WDR20: variants seen among roughly 807,000 people sequenced by gnomAD.
The protein encoded by WDR20 is WD repeat-containing protein 20.
A neutral mutation model predicts 38.7 loss-of-function variants in WDR20; 3 were observed. The observed-to-expected ratio is 0.08, with a 90% CI of 0.04 to 0.20. The LOEUF is 0.20. Ranked by LOEUF, WDR20 falls within the 10% of genes least tolerant of loss-of-function variation. The pLI is 1.00. For missense variants in WDR20, 559 were observed against 727.7 expected, an observed-to-expected ratio of 0.77 and a Z score of 2.67; for synonymous variants, 298 against 285.6, an observed-to-expected ratio of 1.04 and a Z score of -0.44.
chr14:102,154,732 A>G (rs1241469080), intron 1 of WDR20, among the ~76,000 whole-genome samples: 1 of 152,182 alleles, frequency 6.6e-6, no homozygotes, highest in East Asian at 1.9e-4. Context: ...TTATTGAATG[A>G]ATAAATGAGT....
At chr14:102,179,297 C>T (rs2062855442) in intron 1 of WDR20, among the ~76,000 whole-genome samples, 1 of 151,876 alleles carries the variant, frequency 6.6e-6, no homozygotes. Flanking sequence ...ATATTCTAAC[C>T]TCTGTATTTT....
downstream of WDR20, chr14:102,214,285 T>G (rs548080103): frequency 1.0e-6 from 1 of 985,482 alleles, no homozygotes; most frequent in East Asian, 1.1e-4. Context: ...ACGGGCTGAT[T>G]GGGACTGTCG....
chr14:102,210,347 A>G lies in WDR20; in HGVS notation c.*467A>G. On this transcript the variant is annotated 3_prime_UTR_variant, in exon 3 of 3. Coordinates refer to ENST00000342702, the MANE Select transcript of WDR20 (RefSeq NM_144574.4). Reference sequence around the variant, plus strand: ...TATAGTCCAATTTTTTATCTTAATCATAAAATGTTTAGGAATCTATGAAAT... The same window carrying G: ...TATAGTCCAATTTTTTATCTTAATCGTAAAATGTTTAGGAATCTATGAAAT... The G allele has an allele frequency of 1.0e-6, 1 of 986,140 alleles. No individual in the cohort carries two copies. The highest frequency in any genetic ancestry group is 1.2e-6 in the Non-Finnish European group (1 of 830,212). The allele number at this position is 986,140 out of a possible 1,614,324, so 61.1% of individuals were successfully genotyped here.
intron 2 of WDR20, chr14:102,195,792 T>G (rs891036556): frequency 2.6e-5 from 4 of 152,234 alleles, no homozygotes; most frequent in African/African-American, 7.2e-5. Flanking sequence ...CCAAGTAGAT[T>G]ATATTTTTTA....
chr14:102,213,405 A>G, downstream of WDR20: 1 of 985,450 alleles, frequency 1.0e-6, no homozygotes, highest in African/African-American at 1.7e-5. Flanking sequence ...TTTTGTGCTG[A>G]TTGAACCTTC....
At chr14:102,182,537 C>CATTT (rs2063597203) in intron 1 of WDR20, among the ~76,000 whole-genome samples, 1 of 152,138 alleles carries the variant, frequency 6.6e-6, no homozygotes, top group African/African-American at 2.4e-5. Context: ...CCCATTCATG[C>CATTT]ATTTGCTCAG....
intron 1 of WDR20, among the ~76,000 whole-genome samples, chr14:102,160,580 T>G (rs1410960614): frequency 3.3e-5 from 5 of 152,076 alleles, no homozygotes; most frequent in Non-Finnish European, 7.4e-5. Context: ...TGCTTTGTAC[T>G]CCATGCTGTG....
intron 1 of WDR20, among the ~76,000 whole-genome samples, chr14:102,193,260 G>A (rs1278261531): frequency 2.6e-5 from 4 of 151,774 alleles, no homozygotes; most frequent in Non-Finnish European, 5.9e-5. Flanking sequence ...CAGCCTGTCC[G>A]TGGCCATCGT....
In WDR20 at chr14:102,222,809, T is replaced by C; in HGVS notation, c.1693-21T>C. 1 of 1,614,164 alleles carries C rather than the reference T, an allele frequency of 6.2e-7. No individual in the cohort carries two copies. On this transcript the variant is annotated intron_variant, in intron 3 of 3. Transcript: ENST00000335263. This position sits in a 1 kb window ranked among gnomAD's most constrained non-coding sequence, Gnocchi z 4.4. ...CCCGTCCGGTGTTTTGCTGGATTAA[T>C]GTAGACTGCTTTGTTTGCAGGGCTC...
At chr14:102,224,037 A>T (rs374579661), downstream of WDR20, among the ~76,000 whole-genome samples, 7,109 of 123,124 alleles carry the variant, frequency 0.058, 250 homozygotes, top group African/African-American at 0.12. Context: ...TTTACCTGAG[A>T]TTTTTTTTTT....
At chr14:102,170,237 TTC>T (rs1358786083) in intron 1 of WDR20, among the ~76,000 whole-genome samples, 3 of 152,248 alleles carry the variant, frequency 2.0e-5, no homozygotes, top group African/African-American at 7.2e-5. Flanking sequence ...ATCATAATTC[TTC>T]TTTTGATGGA....
rs2063778399 is a variant in WDR20 at position 102,220,677 on chromosome 14, G to T, written c.1693-2153G>T. The stretch of plus-strand genomic sequence containing the variant: ...GGAGCTTGCAGTGAGCCAAGATCGT[G>T]CCACTGCACTCCAGCCTGGACAACA... On this transcript the variant is annotated intron_variant, in intron 3 of 3. Transcript: ENST00000335263. The surrounding 1 kb of genome is among the most constrained non-coding windows in gnomAD (Gnocchi z 4.2). Among the ~76,000 whole-genome samples, 1 of 145,378 alleles carries T rather than the reference G, an allele frequency of 6.9e-6. No homozygotes were observed. The highest frequency in any genetic ancestry group is 7.0e-5 in the Admixed American group (1 of 14,188).
rs766780589 is a variant in WDR20 at position 102,140,045 on chromosome 14, A to G, written c.122A>G (p.Asn41Ser). The change falls in exon 1 of 3, where the codon AAC becomes AGC. Residue 41 changes from asparagine to serine, a missense_variant. Asn to Ser is a conservative substitution (Grantham distance 46). Transcript: ENST00000342702. ...AGCCGGCCCAACCGGGTGCCCTTCA[A>G]CTCGCAGGGATCCAACCCTGTCCGC... The part of the protein sequence containing the change: ...EYSRPNRVPF[N>S]SQGSNPVRVS... 5 of 1,614,030 alleles carry G rather than the reference A, an allele frequency of 3.1e-6. No individual in the cohort carries two copies. The highest frequency in any genetic ancestry group is 2.2e-5 in the South Asian group (2 of 91,072).
downstream of WDR20, among the ~76,000 whole-genome samples, chr14:102,216,107 G>A (rs998301470): frequency 1.3e-5 from 2 of 152,190 alleles, no homozygotes; most frequent in African/African-American, 4.8e-5. Flanking sequence ...ATCGGGTGGG[G>A]AACTCCCAGA....
intron 2 of WDR20, among the ~76,000 whole-genome samples, chr14:102,205,484 T>C (rs2061369042): frequency 6.6e-6 from 1 of 152,136 alleles, no homozygotes; most frequent in African/African-American, 2.4e-5. Flanking sequence ...TACTTTTATG[T>C]GAATTAATAA....
At chr14:102,214,728 C>T (rs1252463035), downstream of WDR20, 1 of 980,054 alleles carries the variant, frequency 1.0e-6, no homozygotes, top group Non-Finnish European at 1.2e-6. Flanking sequence ...CATCCAATTT[C>T]TTGACAACTT....
intron 1 of WDR20, among the ~76,000 whole-genome samples, chr14:102,188,214 C>G (rs1295904467): frequency 6.6e-6 from 1 of 152,174 alleles, no homozygotes; most frequent in Non-Finnish European, 1.5e-5. Flanking sequence ...GGAGTTTTAT[C>G]AAGTAAAACT....
intron 1 of WDR20, among the ~76,000 whole-genome samples, chr14:102,145,844 C>G (rs980105866): frequency 1.3e-5 from 2 of 152,206 alleles, no homozygotes; most frequent in Non-Finnish European, 2.9e-5. Context: ...AAGAACCTTC[C>G]TACCTTCCCA....
At chr14:102,204,226 A>G (rs1017898231) in intron 2 of WDR20, among the ~76,000 whole-genome samples, 2 of 151,780 alleles carry the variant, frequency 1.3e-5, no homozygotes, top group Non-Finnish European at 2.9e-5. Flanking sequence ...TCCGCCTCGG[A>G]GTCCTTGAAG....
Sources: gnomAD v4.1 joint callset for allele counts (sites outside exome capture counted in the v4.1 genomes callset) on GRCh38, gnomAD v4.1.1 for gene constraint, Gnocchi (gnomAD v3.1) non-coding constraint, MANE v1.5 for transcripts, NCBI Gene and HGNC (gene_info 2026-07-23, HGNC 2026-07-21) for gene names.